TAFA2: variants seen among roughly 807,000 people sequenced by gnomAD.
TAFA2 encodes the protein chemokine-like protein TAFA-2.
Under a neutral mutation model 18.8 loss-of-function variants are expected in TAFA2, and 7 were observed. That is an observed-to-expected ratio of 0.37 (90% CI 0.21 to 0.70). The LOEUF (loss-of-function observed/expected upper bound fraction) is 0.70, where lower values mean the gene tolerates loss of function less well. TAFA2 is among the 30% of genes least tolerant of loss of function. The probability of loss-of-function intolerance (pLI) is 0.53; values close to 1 mark genes in which losing one functional copy is unlikely to be tolerated. For missense variants in TAFA2, 122 were observed against 158.1 expected (o/e 0.77, Z 1.23); for synonymous variants, 60 against 54.2 (o/e 1.11, Z -0.47).
At chr12:61,716,113 A>G (rs2120564086) in intron 4 of TAFA2, among the ~76,000 whole-genome samples, 1 of 152,310 alleles carries the variant, frequency 6.6e-6, no homozygotes, top group South Asian at 2.1e-4. Context: ...TTAAAACAGT[A>G]TGAGGAACCT....
At chr12:61,758,804 T>C (rs899199803) in intron 2 of TAFA2, among the ~76,000 whole-genome samples, 2 of 151,966 alleles carry the variant, frequency 1.3e-5, no homozygotes, top group African/African-American at 4.8e-5. Context: ...CTGGGGATGC[T>C]TGGACTTCTG....
rs1284617579 is a variant in TAFA2, at chr12:61,709,398, G to C, written c.*1008C>G. Reference sequence around the variant, plus strand: ...ATATAAGCATTCAAACAGTCATTGGGATCAAGCAAAAGAAAGTCTTTTAAA... The same window carrying C: ...ATATAAGCATTCAAACAGTCATTGGCATCAAGCAAAAGAAAGTCTTTTAAA... On this transcript the variant is annotated 3_prime_UTR_variant, in exon 5 of 5. Transcript: ENST00000416284. The C allele has an allele frequency of 6.6e-6, 1 of 151,986 alleles. No individual in the cohort carries two copies. The highest frequency in any genetic ancestry group is 2.4e-5 in the African/African-American group (1 of 41,416). The allele number at this position is 151,986 out of a possible 1,614,324, so 9.4% of individuals were successfully genotyped here.
chr12:61,904,194 T>A (rs1876238578), intron 1 of TAFA2, among the ~76,000 whole-genome samples: 1 of 152,024 alleles, frequency 6.6e-6, no homozygotes, highest in Non-Finnish European at 1.5e-5. Context: ...CTAAAAAATA[T>A]AACACACACA....
intron 1 of TAFA2, among the ~76,000 whole-genome samples, chr12:62,107,806 C>T (rs1869527013): frequency 6.6e-6 from 1 of 152,046 alleles, no homozygotes. Flanking sequence ...AAATAAAATA[C>T]AAATTACTGT....
intron 1 of TAFA2, among the ~76,000 whole-genome samples, chr12:61,929,749 C>A (rs1877472993): frequency 6.6e-6 from 1 of 151,878 alleles, no homozygotes; most frequent in Non-Finnish European, 1.5e-5. Context: ...AGACTTGGAA[C>A]CAACCCAAAT....
upstream of TAFA2, among the ~76,000 whole-genome samples, chr12:62,195,825 C>T (rs2062646544): frequency 6.6e-6 from 1 of 152,156 alleles, no homozygotes; most frequent in Non-Finnish European, 1.5e-5. Context: ...GCATTGGCTC[C>T]AACTTAAAGT....
At chr12:61,944,388 A>G (rs1188223331) in intron 1 of TAFA2, among the ~76,000 whole-genome samples, 1 of 144,482 alleles carries the variant, frequency 6.9e-6, no homozygotes, top group East Asian at 2.1e-4. Context: ...CATCACAATT[A>G]AAAGAACTAG....
At chr12:61,913,395 C>T (rs369646756) in intron 1 of TAFA2, among the ~76,000 whole-genome samples, 1 of 152,034 alleles carries the variant, frequency 6.6e-6, no homozygotes, top group Admixed American at 6.6e-5. Flanking sequence ...GTTATGATAC[C>T]CAATAATCCC....
chr12:61,852,669 C>G (rs1873724220), intron 2 of TAFA2, among the ~76,000 whole-genome samples: 1 of 152,096 alleles, frequency 6.6e-6, no homozygotes, highest in African/African-American at 2.4e-5. Flanking sequence ...GTGGAACTAG[C>G]TACAGCTTTA....
intron 2 of TAFA2, among the ~76,000 whole-genome samples, chr12:61,790,891 A>C (rs1214503274): frequency 6.6e-6 from 1 of 151,788 alleles, no homozygotes; most frequent in East Asian, 1.9e-4. Flanking sequence ...ACCACAAAAG[A>C]CCCTGAATAG....
At chr12:62,160,496 C>A (rs954353243) in intron 1 of TAFA2, among the ~76,000 whole-genome samples, 1 of 152,166 alleles carries the variant, frequency 6.6e-6, no homozygotes, top group Non-Finnish European at 1.5e-5. Flanking sequence ...TGTCTTTGTA[C>A]CCCTAACCCT....
At chr12:61,730,620 G>T (rs2120648358) in intron 4 of TAFA2, among the ~76,000 whole-genome samples, 1 of 152,078 alleles carries the variant, frequency 6.6e-6, no homozygotes, top group South Asian at 2.1e-4. Context: ...TGGTTCTCAG[G>T]CCAATCGATT....
rs192680142 is a variant in TAFA2, at chr12:62,008,663, A to G, written c.-1-141237T>C. 2.4e-3 allele frequency among the ~76,000 whole-genome samples: 370 copies of G among 152,322 alleles called. 1 individual carries two copies. Among genetic ancestry groups the G allele is most frequent in the African/African-American group, 8.1e-3 (335 of 41,578 alleles). On this transcript the variant is annotated intron_variant, in intron 1 of 4. Transcript: ENST00000416284. ...TAGGTATGCTTGTAATCCCTAAGGA[A>G]TAAGCAAAATAATGAAATTGGTAAC... is the stretch of plus-strand genomic sequence containing the variant.
intron 1 of TAFA2, among the ~76,000 whole-genome samples, chr12:61,885,824 C>T (rs1454366045): frequency 6.6e-6 from 1 of 152,152 alleles, no homozygotes; most frequent in Non-Finnish European, 1.5e-5. Context: ...CATGGCTGAA[C>T]AGGCTTCATT....
chr12:62,082,495 T>G (rs147734354), intron 1 of TAFA2, among the ~76,000 whole-genome samples: 264 of 152,284 alleles, frequency 1.7e-3, no homozygotes, highest in African/African-American at 5.8e-3. Flanking sequence ...CAATGTTTGT[T>G]GATGCAACCA....
At chr12:62,207,181 A>T (rs1285704598) in intron 1 of TAFA2, 1 of 152,310 alleles carries the variant, frequency 6.6e-6, no homozygotes, top group East Asian at 1.9e-4. Flanking sequence ...CTTTTTCTAG[A>T]TTATCCAACA....
At position 61,899,754 on chromosome 12, in the gene TAFA2, A is replaced by T. The variant is rs1004457262; in HGVS notation, c.-1-32328T>A. 3.3e-4 allele frequency among the ~76,000 whole-genome samples: 50 copies of T among 152,132 alleles called. 2 individuals are homozygous for T. Among genetic ancestry groups the T allele is most frequent in the Admixed American group, 3.3e-4 (5 of 15,268 alleles). On this transcript the variant is annotated intron_variant, in intron 1 of 4. Coordinates refer to ENST00000416284, the MANE Select transcript of TAFA2 (RefSeq NM_178539.5). ...ATCAAAAATATTCAAAAAATTAAAA[A>T]CTTCACCTGTACTGAAAATGTATAG...
intron 1 of TAFA2, among the ~76,000 whole-genome samples, chr12:62,246,724 A>T (rs905450813): frequency 1.2e-4 from 19 of 152,146 alleles, no homozygotes; most frequent in Non-Finnish European, 2.1e-4. Flanking sequence ...TTTTTTTCTA[A>T]TAAGTCTTTT....
At chr12:62,039,770 G>A (rs1470865491) in intron 1 of TAFA2, among the ~76,000 whole-genome samples, 1 of 152,126 alleles carries the variant, frequency 6.6e-6, no homozygotes. Flanking sequence ...TGTCACCAAA[G>A]CAGATACCCG....
Sources: allele counts gnomAD v4.1 joint callset (sites outside exome capture counted in the v4.1 genomes callset), GRCh38; gene constraint gnomAD v4.1.1; transcripts MANE v1.5; gene names NCBI Gene and HGNC (gene_info 2026-07-23, HGNC 2026-07-21).